Variants in ZNF233 observed in about 807,000 individuals in gnomAD.
ZNF233 encodes the protein zinc finger protein 233.
Under a neutral mutation model 11.6 loss-of-function variants are expected in ZNF233, and 7 were observed. The ratio of observed to expected loss-of-function variants is 0.60; its 90% confidence interval spans 0.34 to 1.13. ZNF233 has a LOEUF of 1.13. ZNF233 is among the 50% of genes most tolerant of loss of function. The pLI is 0.03. For synonymous variants in ZNF233, 226 were observed against 268.5 expected (o/e 0.84, Z 1.55); for missense variants, 711 against 785.5 (o/e 0.91, Z 1.13).
Position 44,273,743 on chromosome 19 carries a change from G to C in ZNF233, c.1083G>C (p.Glu361Asp). The C allele has an allele frequency of 6.2e-7, 1 of 1,614,224 alleles. No homozygotes were observed. The highest frequency in any genetic ancestry group is 8.5e-7 in the Non-Finnish European group (1 of 1,180,036). The change falls in exon 5 of 5, where the codon GAG (glutamate) becomes GAC (aspartate). Residue 361 changes from glutamate to aspartate, a missense_variant. Coordinates refer to ENST00000683810, the MANE Select transcript of ZNF233 (RefSeq NM_001207005.2). ...SNQNSCLPSH[E>D]LTHPGEKLCT... is the part of the protein sequence containing the mutation. ...AGAACTCCTGTCTTCCCTCTCATGA[G>C]CTTACTCACCCAGGAGAGAAGTTGT...
chr19:44,267,814 C>CT (rs954621013), intron 4 of ZNF233: 202 of 159,124 alleles, frequency 1.3e-3, no homozygotes, highest in East Asian at 2.6e-3. Context: ...CAGAAACCTG[C>CT]TTTTTTTTTT....
intron 1 of ZNF233, chr19:44,260,197 A>G (rs8100437): frequency 9.1e-6 from 2 of 219,232 alleles, no homozygotes; most frequent in Non-Finnish European, 1.9e-5. Context: ...GTCTTCTGGC[A>G]ATATAATCTT....
chr19:44,259,993 G>A, intron 1 of ZNF233, 55 bp downstream of exon 1: 1 of 443,714 alleles, frequency 2.3e-6, no homozygotes, highest in Non-Finnish European at 4.5e-6. Context: ...CCTGGGCGTT[G>A]GACTCGCAGG....
intron 2 of ZNF233, 103 bp downstream of exon 2, chr19:44,264,478 G>T: frequency 8.9e-7 from 1 of 1,127,324 alleles, no homozygotes; most frequent in Non-Finnish European, 1.3e-6. Context: ...GAGGAAAACA[G>T]GTATTTGGAA....
rs1210206159 is a variant in ZNF233, at chr19:44,273,201, G to C, written c.541G>C (p.Asp181His). 1 of 1,613,690 alleles carries C rather than the reference G, an allele frequency of 6.2e-7. No individual in the cohort carries two copies. Among genetic ancestry groups the C allele is most frequent in the African/African-American group, 1.3e-5 (1 of 75,034 alleles). The part of the protein sequence containing the change: ...NQELPLRTTW[D>H]FWRKMYLREP... ...AGAGCTTCCATTGAGGACCACCTGGGATTTCTGGAGGAAAATGTATCTGAG... is the reference window on the plus strand; with the variant it reads ...AGAGCTTCCATTGAGGACCACCTGGCATTTCTGGAGGAAAATGTATCTGAG... The change falls in exon 5 of 5, where the codon GAT becomes CAT. Residue 181 changes from aspartate to histidine, a missense_variant. Transcript: ENST00000683810.
At chr19:44,261,501 T>C (rs1285719936) in intron 1 of ZNF233, among the ~76,000 whole-genome samples, 1 of 151,912 alleles carries the variant, frequency 6.6e-6, no homozygotes, top group Non-Finnish European at 1.5e-5. Flanking sequence ...AGAGTCATAA[T>C]AAAAAAAATT....
chr19:44,271,914 A>G (rs548106860), intron 4 of ZNF233, among the ~76,000 whole-genome samples: 2 of 152,044 alleles, frequency 1.3e-5, no homozygotes, highest in East Asian at 3.9e-4. Context: ...TAGCCTGTGT[A>G]TTTGACCACA....
At chr19:44,268,153 TAC>T (rs1224947973) in intron 4 of ZNF233, 2 of 147,818 alleles carry the variant, frequency 1.4e-5, no homozygotes, top group Admixed American at 6.6e-5. Context: ...CAAAAATACA[TAC>T]ATACATACAT....
intron 4 of ZNF233, among the ~76,000 whole-genome samples, chr19:44,268,590 G>A (rs1358581707): frequency 1.3e-5 from 2 of 152,180 alleles, no homozygotes; most frequent in African/African-American, 4.8e-5. Context: ...GTGAATGAAT[G>A]GGTTAATGGA....
At position 44,274,310 on chromosome 19, in the gene ZNF233, T is replaced by C; in HGVS notation, c.1650T>C (p.His550=). Residue 550 remains histidine, a synonymous_variant, in exon 5 of 5, where the codon CAT becomes CAC. Coordinates refer to ENST00000683810, the MANE Select transcript of ZNF233 (RefSeq NM_001207005.2). The stretch of plus-strand genomic sequence containing the variant: ...GGAAGGGCTTTAGTCAGAGTTCGCA[T>C]CTCCAAGACCATCAGCAAGTCCATA... ...TCGKGFSQSS[H]LQDHQQVHTG... 6.2e-7 allele frequency: 1 copy of C among 1,613,594 alleles called. No homozygotes were observed.
intron 4 of ZNF233, among the ~76,000 whole-genome samples, chr19:44,271,272 G>A (rs1236438559): frequency 6.6e-6 from 1 of 152,150 alleles, no homozygotes. Context: ...AGACAGAGAA[G>A]ATATTTTTCT....
intron 2 of ZNF233, 66 bp from the exon 3 acceptor site, chr19:44,266,132 C>T: frequency 6.7e-7 from 1 of 1,498,052 alleles, no homozygotes; most frequent in Non-Finnish European, 9.0e-7. Flanking sequence ...TCTACCTGCT[C>T]AGTGCTGCCT....
intron 2 of ZNF233, among the ~76,000 whole-genome samples, chr19:44,264,780 G>C (rs1165025045): frequency 6.8e-6 from 1 of 147,316 alleles, no homozygotes; most frequent in East Asian, 2.0e-4. Context: ...AGTTAATGTT[G>C]TTACTAGAGT....
At chr19:44,262,367 T>C (rs1974961653) in intron 1 of ZNF233, among the ~76,000 whole-genome samples, 1 of 152,194 alleles carries the variant, frequency 6.6e-6, no homozygotes, top group Admixed American at 6.5e-5. Flanking sequence ...CGAGAGGACT[T>C]GACAACCTAG....
At chr19:44,269,144 CTTTT>C (rs1003680436) in intron 4 of ZNF233, among the ~76,000 whole-genome samples, 2 of 151,508 alleles carry the variant, frequency 1.3e-5, no homozygotes, top group African/African-American at 4.8e-5. Context: ...TAAAAATTTT[CTTTT>C]TTTGTTTTTG....
rs768222818 is a variant in ZNF233 at position 44,274,712 on chromosome 19, G to C, written c.*39G>C. The C allele has an allele frequency of 6.8e-7, 1 of 1,479,490 alleles. No individual in the cohort carries two copies. Among genetic ancestry groups the C allele is most frequent in the Non-Finnish European group, 9.1e-7 (1 of 1,096,792 alleles). 91.6% of individuals were successfully genotyped at this position (1,479,490 alleles called of 1,614,324 possible). A position where few individuals can be genotyped will look rare whatever the true frequency, so the allele number is the denominator to read the frequency against. On this transcript the variant is annotated 3_prime_UTR_variant, in exon 5 of 5. Coordinates refer to ENST00000683810, the MANE Select transcript of ZNF233 (RefSeq NM_001207005.2). ...ATTAATCATGATGAGTGTGATAGGG[G>C]TGCTCTTCAAGACTTAGACTTCCCA... is the stretch of plus-strand genomic sequence containing the variant.
chr19:44,263,663 A>C (rs1344695517), intron 1 of ZNF233, among the ~76,000 whole-genome samples: 1 of 152,230 alleles, frequency 6.6e-6, no homozygotes, highest in Non-Finnish European at 1.5e-5. Flanking sequence ...TTATAGGACA[A>C]CAAAGTAGTA....
intron 4 of ZNF233, 73 bp from the exon 5 acceptor site, chr19:44,272,826 A>G: frequency 1.8e-6 from 2 of 1,103,242 alleles, no homozygotes; most frequent in South Asian, 3.3e-5. Flanking sequence ...TCAACCTGTG[A>G]AATGTTTTTT....
At chr19:44,260,291 C>G (rs1974900594) in intron 1 of ZNF233, 1 of 159,718 alleles carries the variant, frequency 6.3e-6, no homozygotes, top group African/African-American at 2.4e-5. Flanking sequence ...GTGAGATTTA[C>G]TTAAGATAAA....
Sources: gnomAD v4.1 joint callset for allele counts (sites outside exome capture counted in the v4.1 genomes callset) on GRCh38, gnomAD v4.1.1 for gene constraint, MANE v1.5 for transcripts, NCBI Gene and HGNC (gene_info 2026-07-23, HGNC 2026-07-21) for gene names.